GRAMD2A: variants seen among roughly 807,000 people sequenced by gnomAD.
The protein encoded by GRAMD2A is GRAM domain-containing protein 2A.
In GRAMD2A, 37 loss-of-function variants were observed where a neutral mutation model predicts 51.1. The observed-to-expected ratio is 0.72, with a 90% CI of 0.56 to 0.95. The LOEUF is 0.95. Ranked by LOEUF, GRAMD2A falls within the 40% of genes least tolerant of loss-of-function variation. GRAMD2A has a pLI of 0.00. For synonymous variants in GRAMD2A, 136 were observed against 157.1 expected (o/e 0.87, Z 1.01); for missense variants, 414 against 426.9 (o/e 0.97, Z 0.27).
At position 72,170,759 on chromosome 15, in the gene GRAMD2A, A is replaced by T. The variant is rs2081602772; in HGVS notation, c.42-820T>A. Among the ~76,000 whole-genome samples the T allele has an allele frequency of 6.6e-6, 1 of 152,152 alleles. No individual in the cohort carries two copies. The highest frequency in any genetic ancestry group is 2.1e-4 in the South Asian group (1 of 4,830). ...ACCAAGTGGGCCCAGGGGCTGACCA[A>T]GAAAGAGAGGGTGGCCAAGAAGCAG... On this transcript the variant is annotated intron_variant, in intron 1 of 11. Coordinates refer to ENST00000309731, the MANE Select transcript of GRAMD2A (RefSeq NM_001012642.3). This position sits in a 1 kb window ranked among gnomAD's most constrained non-coding sequence, Gnocchi z 4.5.
intron 1 of GRAMD2A, among the ~76,000 whole-genome samples, chr15:72,184,387 G>T (rs1440297130): frequency 6.6e-6 from 1 of 152,252 alleles, no homozygotes; most frequent in African/African-American, 2.4e-5. Flanking sequence ...CTGACCCTTT[G>T]CAGGAGGCTG....
At chr15:72,168,435 G>A in intron 4 of GRAMD2A, 56 bp downstream of exon 4, 1 of 1,278,582 alleles carries the variant, frequency 7.8e-7, no homozygotes, top group South Asian at 1.2e-5. Context: ...CAGAGCAGAG[G>A]CCCCTGGCCC....
intron 1 of GRAMD2A, among the ~76,000 whole-genome samples, chr15:72,191,471 G>A (rs2081767468): frequency 6.6e-6 from 1 of 152,128 alleles, no homozygotes; most frequent in African/African-American, 2.4e-5. Flanking sequence ...CCAAAGTGCT[G>A]GGATTACAGG....
intron 1 of GRAMD2A, among the ~76,000 whole-genome samples, chr15:72,196,146 A>G (rs774793815): frequency 6.6e-6 from 1 of 152,270 alleles, no homozygotes; most frequent in Non-Finnish European, 1.5e-5. Flanking sequence ...GGCTACCTCA[A>G]TGCCTGTCAA....
At chr15:72,183,365 A>C (rs1007220859) in intron 1 of GRAMD2A, among the ~76,000 whole-genome samples, 7 of 151,378 alleles carry the variant, frequency 4.6e-5, no homozygotes, top group Non-Finnish European at 8.8e-5. Flanking sequence ...AAATACAAAA[A>C]TTAGCCAGAC....
chr15:72,190,976 A>G (rs958256824), intron 1 of GRAMD2A, among the ~76,000 whole-genome samples: 3 of 152,218 alleles, frequency 2.0e-5, no homozygotes, highest in African/African-American at 7.2e-5. Context: ...TCAGGAACCA[A>G]CTTAAAGATG....
intron 2 of GRAMD2A, 141 bp downstream of exon 2, chr15:72,169,706 C>CT: frequency 1.4e-6 from 1 of 718,418 alleles, no homozygotes; most frequent in East Asian, 2.5e-5. Context: ...AGGAAGAAGC[C>CT]TGGGGCAGCC....
At chr15:72,174,480 T>G (rs1014886872) in intron 1 of GRAMD2A, among the ~76,000 whole-genome samples, 2 of 152,164 alleles carry the variant, frequency 1.3e-5, no homozygotes, top group African/African-American at 4.8e-5. Flanking sequence ...ATGCCCCAGC[T>G]GTGGAATTCA....
chr15:72,168,895 A>T, intron 3 of GRAMD2A, 44 bp downstream of exon 3: 2 of 1,577,412 alleles, frequency 1.3e-6, no homozygotes, highest in South Asian at 1.1e-5. Context: ...GCAGCCCAGG[A>T]CCCCTTCCTG....
rs142441809 is a variant in GRAMD2A at position 72,170,278 on chromosome 15, C to T, written c.42-339G>A. ...GCCTCTAGCCCCACCCTTGAGGAGG[C>T]ACACTGAGAGGGAGGACCCTGAGAC... On this transcript the variant is annotated intron_variant, in intron 1 of 11. Coordinates refer to ENST00000309731, the MANE Select transcript of GRAMD2A (RefSeq NM_001012642.3). This position sits in a 1 kb window ranked among gnomAD's most constrained non-coding sequence, Gnocchi z 4.5. The T allele has an allele frequency of 0.024, 12,142 of 503,384 alleles. 234 individuals carry two copies. The highest frequency in any genetic ancestry group is 0.035 in the Non-Finnish European group (9,069 of 258,506). 31.2% of individuals were successfully genotyped at this position (503,384 alleles called of 1,614,324 possible). A position where few individuals can be genotyped will look rare whatever the true frequency, so the allele number is the denominator to read the frequency against.
intron 1 of GRAMD2A, among the ~76,000 whole-genome samples, chr15:72,189,529 A>G (rs2081754378): frequency 6.6e-6 from 1 of 152,244 alleles, no homozygotes; most frequent in South Asian, 2.1e-4. Context: ...TTGAATGTGA[A>G]TTTACAATTC....
chr15:72,167,639 G>C (rs2081562242), intron 5 of GRAMD2A, 97 bp downstream of exon 5: 1 of 940,212 alleles, frequency 1.1e-6, no homozygotes, highest in Admixed American at 1.9e-5. Context: ...CCGGGGCCCA[G>C]CACGCAGAGA....
In GRAMD2A at chr15:72,195,205, C is replaced by A. The variant is rs556040621; in HGVS notation, c.41+2526G>T. ...GCTAGAAGTGTCTAGTTAGGAGAAT[C>A]ACTGGATGACTGCATGCAGAAGGCC... On this transcript the variant is annotated intron_variant, in intron 1 of 11. Coordinates refer to ENST00000309731, the MANE Select transcript of GRAMD2A (RefSeq NM_001012642.3). Among the ~76,000 whole-genome samples, 75 of 152,328 alleles carry A rather than the reference C, an allele frequency of 4.9e-4. 2 individuals are homozygous for A. In the Middle Eastern group the frequency reaches 0.014, roughly 28 times the overall value.
intron 8 of GRAMD2A, among the ~76,000 whole-genome samples, chr15:72,164,143 G>A (rs756333743): frequency 3.9e-5 from 6 of 152,140 alleles, no homozygotes; most frequent in Admixed American, 1.3e-4. Flanking sequence ...AGGACTTAGC[G>A]TCCCCATCTA....
At chr15:72,169,055 C>T in intron 2 of GRAMD2A, 59 bp from the exon 3 acceptor site, 1 of 1,497,480 alleles carries the variant, frequency 6.7e-7, no homozygotes. Context: ...CATGCATCCT[C>T]AGTGCCAATT....
chr15:72,181,126 G>A (rs1482279720), intron 1 of GRAMD2A, among the ~76,000 whole-genome samples: 2 of 152,252 alleles, frequency 1.3e-5, no homozygotes, highest in African/African-American at 4.8e-5. Context: ...CAGCATGTGT[G>A]AGAAAGCTAA....
intron 1 of GRAMD2A, among the ~76,000 whole-genome samples, chr15:72,182,362 CAAAA>C (rs36075463): frequency 6.3e-5 from 3 of 47,558 alleles, no homozygotes; most frequent in African/African-American, 2.6e-4. Context: ...GAGACTGTCT[CAAAA>C]AAAAAAAAAA....
chr15:72,160,026 T>C lies in GRAMD2A; in HGVS notation c.*1983A>G, dbSNP rs2081453947. 1 of 152,118 alleles carries C rather than the reference T, an allele frequency of 6.6e-6. No homozygotes were observed. Among genetic ancestry groups the C allele is most frequent in the South Asian group, 2.1e-4 (1 of 4,818 alleles). The allele number at this position is 152,118 out of a possible 1,614,324, so 9.4% of individuals were successfully genotyped here. A position where few individuals can be genotyped will look rare whatever the true frequency, so the allele number is the denominator to read the frequency against. On this transcript the variant is annotated 3_prime_UTR_variant, in exon 12 of 12. Coordinates refer to ENST00000309731, the MANE Select transcript of GRAMD2A (RefSeq NM_001012642.3). ...GGGACAACAGAGAGAAACAGAGCAC[T>C]ATCTGGAGGGACAGGCACACCCGCA... is the stretch of plus-strand genomic sequence containing the variant.
intron 10 of GRAMD2A, 85 bp from the exon 11 acceptor site, chr15:72,162,462 G>GCACCAAGGGGACCAA: frequency 1.1e-6 from 1 of 932,670 alleles, no homozygotes; most frequent in Non-Finnish European, 1.7e-6. Flanking sequence ...TGGGGACCAA[G>GCACCAAGGGGACCAA]CTACCCCTGC....
Sources: gnomAD v4.1 joint callset for allele counts (sites outside exome capture counted in the v4.1 genomes callset) on GRCh38, gnomAD v4.1.1 for gene constraint, Gnocchi (gnomAD v3.1) non-coding constraint, MANE v1.5 for transcripts, NCBI Gene and HGNC (gene_info 2026-07-23, HGNC 2026-07-21) for gene names.